TSHZ2: variants seen among roughly 807,000 people sequenced by gnomAD.
The protein encoded by TSHZ2 is teashirt zinc finger homeobox 2.
TSHZ2 carries 21 observed loss-of-function variants against 74.4 expected under a neutral mutation model. The ratio of observed to expected loss-of-function variants is 0.28; its 90% CI spans 0.20 to 0.41. The LOEUF (loss-of-function observed/expected upper bound fraction) is 0.41, where lower values mean the gene tolerates loss of function less well. Among genes scored for constraint, TSHZ2 ranks in the 10% least tolerant of loss-of-function variants. TSHZ2 has a pLI of 1.00. For missense variants in TSHZ2, 1,244 were observed against 1,293.5 expected, an observed-to-expected ratio of 0.96 and a Z score of 0.59; for synonymous variants, 540 against 515.3, an observed-to-expected ratio of 1.05 and a Z score of -0.65.
chr20:53,098,947 C>T (rs1422982209), intron 1 of TSHZ2, among the ~76,000 whole-genome samples: 1 of 152,196 alleles, frequency 6.6e-6, no homozygotes, highest in Non-Finnish European at 1.5e-5. Flanking sequence ...TTACAATTCC[C>T]TCTCTTAGCA....
chr20:53,244,951 A>G (rs1054999553), intron 1 of TSHZ2, among the ~76,000 whole-genome samples: 1 of 152,174 alleles, frequency 6.6e-6, no homozygotes, highest in African/African-American at 2.4e-5. Flanking sequence ...GCTGGTTCTT[A>G]TCTATTGTGA....
At chr20:53,198,300 T>G (rs1328060617) in intron 1 of TSHZ2, 1 of 152,192 alleles carries the variant, frequency 6.6e-6, no homozygotes, top group African/African-American at 2.4e-5. Flanking sequence ...AGAACTTGCC[T>G]TCATTTTCTA....
At chr20:53,338,338 A>C (rs530693845) in intron 2 of TSHZ2, among the ~76,000 whole-genome samples, 1 of 152,214 alleles carries the variant, frequency 6.6e-6, no homozygotes, top group Non-Finnish European at 1.5e-5. Context: ...CAATGGAAAC[A>C]TCGGTGAAGC....
At position 53,255,217 on chromosome 20, in the gene TSHZ2, C is replaced by T; in HGVS notation, c.1759C>T (p.Leu587=). 2 of 1,614,222 alleles carry T rather than the reference C, an allele frequency of 1.2e-6. No individual in the cohort carries two copies. The highest frequency in any genetic ancestry group is 1.7e-6 in the Non-Finnish European group (2 of 1,180,046). ...PIAPKWKVMP[L]VSMPTHLAPY... Reference sequence around the variant, plus strand: ...TGCACCAAAGTGGAAAGTGATGCCACTGGTTTCTATGCCCACACACCTGGC... The same window carrying T: ...TGCACCAAAGTGGAAAGTGATGCCATTGGTTTCTATGCCCACACACCTGGC... The change falls in exon 2 of 3, where the codon CTG becomes TTG. Residue 587 remains leucine, a synonymous_variant. Coordinates refer to ENST00000371497, the MANE Select transcript of TSHZ2 (RefSeq NM_173485.6). The surrounding 1 kb of genome is among the most constrained non-coding windows in gnomAD (Gnocchi z 4.1).
At chr20:53,380,163 T>TGTGCGCGC (rs3971382) in intron 2 of TSHZ2, among the ~76,000 whole-genome samples, 3 of 150,944 alleles carry the variant, frequency 2.0e-5, no homozygotes, top group African/African-American at 7.4e-5. Flanking sequence ...TGTGTGTGTG[T>TGTGCGCGC]GCACACGCAT....
intron 2 of TSHZ2, among the ~76,000 whole-genome samples, chr20:53,277,460 G>GAA (rs113376847): frequency 4.2e-4 from 61 of 146,124 alleles, no homozygotes; most frequent in South Asian, 1.5e-3. Context: ...TAAAAAACAG[G>GAA]AAAAAAAAAA....
chr20:53,036,156 T>C (rs1983810290), intron 1 of TSHZ2, among the ~76,000 whole-genome samples: 1 of 152,204 alleles, frequency 6.6e-6, no homozygotes, highest in Admixed American at 6.5e-5. Context: ...ATTTATGATG[T>C]ACCCACTTAA....
At chr20:53,264,613 T>G (rs766434949) in intron 2 of TSHZ2, among the ~76,000 whole-genome samples, 10 of 152,254 alleles carry the variant, frequency 6.6e-5, no homozygotes, top group Non-Finnish European at 1.0e-4. Flanking sequence ...TTACCAACTT[T>G]AGCCCAAATA....
intron 1 of TSHZ2, among the ~76,000 whole-genome samples, chr20:53,187,371 C>T (rs1397647809): frequency 2.6e-5 from 4 of 152,172 alleles, no homozygotes; most frequent in Non-Finnish European, 5.9e-5. Flanking sequence ...ATCGTGTTAT[C>T]GTTTAAAGCT....
Position 53,492,062 on chromosome 20 carries a change from G to T in TSHZ2, c.*4927G>T, listed in dbSNP as rs1476273975. 1 of 95,988 alleles carries T rather than the reference G, an allele frequency of 1.0e-5. No homozygotes were observed. 5.9% of individuals were successfully genotyped at this position (95,988 alleles called of 1,614,324 possible). A position where few individuals can be genotyped will look rare whatever the true frequency, so the allele number is the denominator to read the frequency against. On this transcript the variant is annotated 3_prime_UTR_variant, in exon 3 of 3. Transcript: ENST00000371497. ...GAAACCTCAAAAAATTTGAACAAAGGCATTACAAAAAAAAAAAAAAAACTA... is the reference window on the plus strand; with the variant it reads ...GAAACCTCAAAAAATTTGAACAAAGTCATTACAAAAAAAAAAAAAAAACTA...
At chr20:53,143,789 C>T (rs1987471368) in intron 1 of TSHZ2, among the ~76,000 whole-genome samples, 1 of 152,140 alleles carries the variant, frequency 6.6e-6, no homozygotes. Context: ...GTTCTCCTTG[C>T]CCACTGCCTA....
intron 2 of TSHZ2, among the ~76,000 whole-genome samples, chr20:53,474,311 A>G (rs111302037): frequency 0.041 from 3,785 of 92,098 alleles, 84 homozygotes; most frequent in East Asian, 0.15. Context: ...CGGATCTCTC[A>G]GCAGAAACCC....
chr20:53,114,758 AAG>A (rs1355541387), intron 1 of TSHZ2, among the ~76,000 whole-genome samples: 11 of 152,102 alleles, frequency 7.2e-5, no homozygotes, highest in African/African-American at 2.7e-4. Flanking sequence ...GAGGTGGTAA[AAG>A]AGAGGGGTGA....
intron 2 of TSHZ2, among the ~76,000 whole-genome samples, chr20:53,467,102 G>A (rs924995607): frequency 6.6e-6 from 1 of 152,218 alleles, no homozygotes; most frequent in African/African-American, 2.4e-5. Flanking sequence ...TACTGAGGAA[G>A]GCAGAGCTTC....
intron 1 of TSHZ2, among the ~76,000 whole-genome samples, chr20:53,129,515 C>G (rs1568773496): frequency 1.3e-5 from 2 of 152,100 alleles, no homozygotes; most frequent in Non-Finnish European, 2.9e-5. Flanking sequence ...CCATTTATAG[C>G]TATAATATAT....
chr20:53,466,767 G>A (rs1028549506), intron 2 of TSHZ2, among the ~76,000 whole-genome samples: 2 of 150,256 alleles, frequency 1.3e-5, no homozygotes, highest in African/African-American at 2.5e-5. Flanking sequence ...TTGTCAGGAT[G>A]TTGTCCTGAT....
In TSHZ2 at chr20:53,489,152, G is replaced by A. The variant is rs1240841555; in HGVS notation, c.*2017G>A. On this transcript the variant is annotated 3_prime_UTR_variant, in exon 3 of 3. Transcript: ENST00000371497. Reference sequence around the variant, plus strand: ...CAGTACAACGGGGTGGCTTTTATGGGATTTACTCATGGGCATAGGGAATAG... The same window carrying A: ...CAGTACAACGGGGTGGCTTTTATGGAATTTACTCATGGGCATAGGGAATAG... 5 of 456,114 alleles carry A rather than the reference G, an allele frequency of 1.1e-5. No individual in the cohort carries two copies. Among genetic ancestry groups the A allele is most frequent in the South Asian group, 6.2e-5 (4 of 64,570 alleles). The allele number at this position is 456,114 out of a possible 1,614,324, so 28.3% of individuals were successfully genotyped here. A position where few individuals can be genotyped will look rare whatever the true frequency, so the allele number is the denominator to read the frequency against.
intron 1 of TSHZ2, among the ~76,000 whole-genome samples, chr20:53,085,895 AGGCAGACCTTCATGAG>A (rs1317512097): frequency 1.3e-5 from 2 of 152,212 alleles, no homozygotes; most frequent in Non-Finnish European, 2.9e-5. Context: ...ACCACAAGCC[AGGCAGACCTTCATGAG>A]GGCTTCTCAA....
chr20:53,019,862 T>A (rs984656796), intron 1 of TSHZ2, among the ~76,000 whole-genome samples: 5 of 152,202 alleles, frequency 3.3e-5, no homozygotes, highest in African/African-American at 1.2e-4. Flanking sequence ...ACTCTCTTCC[T>A]GTATTAGTCT....
Sources: gnomAD v4.1 joint callset for allele counts (sites outside exome capture counted in the v4.1 genomes callset) on GRCh38, gnomAD v4.1.1 for gene constraint, Gnocchi (gnomAD v3.1) non-coding constraint, MANE v1.5 for transcripts, NCBI Gene and HGNC (gene_info 2026-07-23, HGNC 2026-07-21) for gene names.